ARHGEF4: variants seen among roughly 807,000 people sequenced by gnomAD.
ARHGEF4 encodes the protein Rho guanine nucleotide exchange factor 4, also known as APC-stimulated guanine nucleotide exchange factor 1.
A neutral mutation model predicts 162.0 loss-of-function variants in ARHGEF4; 119 were observed. The ratio of observed to expected loss-of-function variants is 0.73; its 90% confidence interval spans 0.63 to 0.86. The LOEUF is 0.86. ARHGEF4 is among the 40% of genes least tolerant of loss of function. The probability of loss-of-function intolerance (pLI) is 0.00; values close to 1 mark genes in which losing one functional copy is unlikely to be tolerated. For synonymous variants in ARHGEF4, 1,014 were observed against 979.9 expected (o/e 1.03, Z -0.65); for missense variants, 2,488 against 2,456.0 (o/e 1.01, Z -0.28).
Position 130,915,591 on chromosome 2 carries a change from A to G in ARHGEF4, c.1645A>G (p.Ser549Gly), listed in dbSNP as rs1681431333. The change falls in exon 2 of 14, where the codon AGT (serine) becomes GGT (glycine). Residue 549 changes from serine to glycine, a missense_variant. Transcript: ENST00000409359. Reference protein sequence around the residue: ...DLMGCLEVSDSSDAPETTQKS... With the variant: ...DLMGCLEVSDGSDAPETTQKS... ...GATGGGCTGCTTGGAAGTGAGTGAC[A>G]GTTCAGATGCCCCTGAGACCACCCA... 1.3e-6 allele frequency: 2 copies of G among 1,550,460 alleles called. No homozygotes were observed. Among genetic ancestry groups the G allele is most frequent in the Admixed American group, 2.0e-5 (1 of 50,974 alleles).
intron 2 of ARHGEF4, 132 bp from the exon 3 acceptor site, chr2:130,930,820 G>T: frequency 5.4e-6 from 4 of 742,974 alleles, no homozygotes; most frequent in South Asian, 2.7e-5. Flanking sequence ...TATTTCACTG[G>T]ACTCTGTACT....
chr2:131,032,489 C>T (rs899980737), intron 5 of ARHGEF4, among the ~76,000 whole-genome samples: 1 of 151,964 alleles, frequency 6.6e-6, no homozygotes, highest in Non-Finnish European at 1.5e-5. Context: ...GCTGCAGATA[C>T]CTTGTACTCA....
At chr2:131,021,229 A>G (rs2105353562) in intron 4 of ARHGEF4, among the ~76,000 whole-genome samples, 1 of 152,322 alleles carries the variant, frequency 6.6e-6, no homozygotes, top group South Asian at 2.1e-4. Flanking sequence ...ACTTCAAACT[A>G]TACTACAAGG....
At chr2:130,940,517 G>C (rs1168267276) in intron 3 of ARHGEF4, among the ~76,000 whole-genome samples, 1 of 151,548 alleles carries the variant, frequency 6.6e-6, no homozygotes, top group Admixed American at 6.6e-5. Context: ...GGATGGTCTC[G>C]ATCTCCTGAC....
chr2:130,991,504 C>A (rs1686960348), intron 4 of ARHGEF4, among the ~76,000 whole-genome samples: 1 of 152,136 alleles, frequency 6.6e-6, no homozygotes. Context: ...AGCTGGAGTT[C>A]GGTGGGCGTG....
chr2:130,908,185 T>G (rs1011574613), intron 1 of ARHGEF4, among the ~76,000 whole-genome samples: 7 of 152,202 alleles, frequency 4.6e-5, no homozygotes, highest in African/African-American at 1.7e-4. Context: ...GTTAGCTGTA[T>G]TCCTAGATAT....
chr2:130,864,213 AAG>A lies in ARHGEF4; in HGVS notation c.39+27222_39+27223del, dbSNP rs202087343. Among the ~76,000 whole-genome samples, 677 of 140,224 alleles carry A rather than the reference AAG, an allele frequency of 4.8e-3. 4 individuals carry two copies. Among genetic ancestry groups the A allele is most frequent in the African/African-American group, 0.016 (594 of 36,842 alleles). The allele number at this position is 140,224 out of a possible 152,430, so 92.0% of individuals were successfully genotyped here. Reference sequence around the variant, plus strand: ...AGAAAGAAAGAAAGAAAAAAAAAAAAAGGAGTGAGTTACTGACACATTCAGCA... The same window carrying A: ...AGAAAGAAAGAAAGAAAAAAAAAAAAGAGTGAGTTACTGACACATTCAGCA... On this transcript the variant is annotated intron_variant, in intron 1 of 13. Transcript: ENST00000409359.
At chr2:130,882,973 C>T (rs1270052765) in intron 1 of ARHGEF4, among the ~76,000 whole-genome samples, 2 of 152,050 alleles carry the variant, frequency 1.3e-5, no homozygotes, top group African/African-American at 4.8e-5. Context: ...TTTAAAAAGA[C>T]TTCTGGCTCC....
At chr2:130,952,969 G>A (rs1326684494) in intron 4 of ARHGEF4, among the ~76,000 whole-genome samples, 3 of 152,106 alleles carry the variant, frequency 2.0e-5, no homozygotes, top group Non-Finnish European at 4.4e-5. Flanking sequence ...TCATGAAAAT[G>A]GCCATACTGC....
chr2:130,877,016 C>T (rs900743346), intron 1 of ARHGEF4, among the ~76,000 whole-genome samples: 1 of 152,176 alleles, frequency 6.6e-6, no homozygotes, highest in Admixed American at 6.5e-5. Flanking sequence ...TGATTCCTAA[C>T]TTGGGGCTTT....
intron 4 of ARHGEF4, among the ~76,000 whole-genome samples, chr2:130,954,218 G>T (rs1684128928): frequency 1.3e-5 from 2 of 152,150 alleles, no homozygotes; most frequent in East Asian, 1.9e-4. Context: ...GAATACTATG[G>T]AGCCATAAAA....
rs1477738452 is a variant in ARHGEF4 at position 130,916,226 on chromosome 2, A to T, written c.2280A>T (p.Ala760=). Residue 760 remains alanine, a synonymous_variant, in exon 2 of 14, where the codon GCA becomes GCT. Coordinates refer to ENST00000409359, the MANE Select transcript of ARHGEF4 (RefSeq NM_001367493.1). ...AGGAGGCCCCCGAAGGCGGTGCTGC[A>T]GCAGCCCGGGGCCAGCGCCCCCGCG... ...GPEEAPEGGA[A]AARGQRPRVP... The T allele has an allele frequency of 1.3e-6, 2 of 1,541,532 alleles. No homozygotes were observed. Among genetic ancestry groups the T allele is most frequent in the South Asian group, 2.4e-5 (2 of 83,260 alleles).
At chr2:130,867,270 C>T (rs1303037427) in intron 1 of ARHGEF4, among the ~76,000 whole-genome samples, 2 of 151,418 alleles carry the variant, frequency 1.3e-5, no homozygotes, top group African/African-American at 4.9e-5. Context: ...GACGGAGTCT[C>T]ACTCTATCAC....
chr2:130,948,119 G>T (rs1002075005), intron 4 of ARHGEF4, among the ~76,000 whole-genome samples: 7 of 152,164 alleles, frequency 4.6e-5, no homozygotes, highest in African/African-American at 1.7e-4. Context: ...ATGATGGTTG[G>T]CCCTGAATGC....
chr2:130,996,139 C>T (rs532886821), intron 4 of ARHGEF4, among the ~76,000 whole-genome samples: 15 of 152,234 alleles, frequency 9.9e-5, no homozygotes, highest in African/African-American at 2.6e-4. Flanking sequence ...CCACCTGCCT[C>T]GGCCTCCCAA....
chr2:130,847,130 C>G (rs778627268), intron 1 of ARHGEF4, among the ~76,000 whole-genome samples: 2 of 152,198 alleles, frequency 1.3e-5, no homozygotes, highest in Non-Finnish European at 2.9e-5. Context: ...GGGCCTTTCC[C>G]AGCCTTGCCC....
At chr2:130,919,305 A>G (rs932798006) in intron 2 of ARHGEF4, among the ~76,000 whole-genome samples, 2 of 152,214 alleles carry the variant, frequency 1.3e-5, no homozygotes, top group South Asian at 2.1e-4. Context: ...TCTGTTGGAT[A>G]TAAAAGTGGG....
intron 1 of ARHGEF4, among the ~76,000 whole-genome samples, chr2:130,849,275 A>G (rs1312417716): frequency 3.3e-5 from 5 of 152,206 alleles, no homozygotes; most frequent in Non-Finnish European, 7.3e-5. Flanking sequence ...TGTTGGGTGC[A>G]TATTGTCATG....
At position 130,917,226 on chromosome 2, in the gene ARHGEF4, C is replaced by G. The variant is rs1395914788; in HGVS notation, c.3280C>G (p.Pro1094Ala). 6.4e-7 allele frequency: 1 copy of G among 1,550,436 alleles called. No individual in the cohort carries two copies. Among genetic ancestry groups the G allele is most frequent in the Non-Finnish European group, 8.7e-7 (1 of 1,147,000 alleles). Residue 1094 changes from proline (P) to alanine (A), a missense_variant, in exon 2 of 14, where the codon CCC becomes GCC. Coordinates refer to ENST00000409359, the MANE Select transcript of ARHGEF4 (RefSeq NM_001367493.1). The part of the protein sequence containing the change: ...GTPCRPTSPK[P>A]LSPRPSAQRM... ...GCCCTGCAGACCCACGAGCCCCAAG[C>G]CCCTGAGTCCCAGGCCTAGTGCTCA... is the stretch of plus-strand genomic sequence containing the variant.
Sources: allele counts gnomAD v4.1 joint callset (sites outside exome capture counted in the v4.1 genomes callset), GRCh38; gene constraint gnomAD v4.1.1; transcripts MANE v1.5; gene names NCBI Gene and HGNC (gene_info 2026-07-23, HGNC 2026-07-21).